Variants in C10orf90 observed in about 807,000 individuals in gnomAD.
The protein encoded by C10orf90 is chromosome 10 open reading frame 90, also known as (E2-independent) E3 ubiquitin-conjugating enzyme FATS.
In C10orf90, 56 loss-of-function variants were observed where a neutral mutation model predicts 62.5. The observed-to-expected ratio is 0.90, with a 90% CI of 0.72 to 1.12. C10orf90 has a LOEUF of 1.12. C10orf90 is among the 50% of genes most tolerant of loss of function. C10orf90 has a pLI of 0.00. For synonymous variants in C10orf90, 386 were observed against 340.4 expected, an observed-to-expected ratio of 1.13 and a Z score of -1.47; for missense variants, 970 against 880.4, an observed-to-expected ratio of 1.10 and a Z score of -1.29.
At chr10:126,653,883 A>T (rs761042983) in intron 1 of C10orf90, among the ~76,000 whole-genome samples, 2 of 152,238 alleles carry the variant, frequency 1.3e-5, no homozygotes, top group Non-Finnish European at 2.9e-5. Flanking sequence ...TAGGCATGAA[A>T]ACAACACTAA....
intron 2 of C10orf90, among the ~76,000 whole-genome samples, chr10:126,589,170 A>C (rs1384273190): frequency 6.6e-6 from 1 of 152,228 alleles, no homozygotes; most frequent in African/African-American, 2.4e-5. Flanking sequence ...AAATAATGAA[A>C]AGGAATGAAC....
intron 2 of C10orf90, among the ~76,000 whole-genome samples, chr10:126,607,884 C>T (rs922104551): frequency 6.6e-6 from 1 of 152,092 alleles, no homozygotes; most frequent in Non-Finnish European, 1.5e-5. Context: ...ATAAGCCAGT[C>T]CCAAAAGGAC....
At chr10:126,662,718 A>G (rs4962352) in intron 1 of C10orf90, among the ~76,000 whole-genome samples, 31,301 of 150,162 alleles carry the variant, frequency 0.21, 3,236 homozygotes, top group Middle Eastern at 0.27. Flanking sequence ...GGTCTCCTCC[A>G]TGCATTCTTG....
chr10:126,559,871 T>C (rs1864862185), intron 2 of C10orf90, among the ~76,000 whole-genome samples: 1 of 152,202 alleles, frequency 6.6e-6, no homozygotes, highest in Non-Finnish European at 1.5e-5. Flanking sequence ...ATGCTCAAAA[T>C]ACTTGCCGGA....
At chr10:126,619,096 C>A (rs754040451) in intron 2 of C10orf90, among the ~76,000 whole-genome samples, 1 of 152,144 alleles carries the variant, frequency 6.6e-6, no homozygotes, top group Non-Finnish European at 1.5e-5. Context: ...CCTTATACTT[C>A]TTTGCGCTGG....
chr10:126,666,515 G>A (rs933837235), intron 1 of C10orf90, among the ~76,000 whole-genome samples: 1 of 152,166 alleles, frequency 6.6e-6, no homozygotes, highest in Non-Finnish European at 1.5e-5. Context: ...CCTTAAAGCA[G>A]CTCAAGAAGG....
At chr10:126,598,930 T>G (rs188648799) in intron 2 of C10orf90, among the ~76,000 whole-genome samples, 3 of 152,170 alleles carry the variant, frequency 2.0e-5, no homozygotes, top group Admixed American at 6.5e-5. Context: ...TTCTTGATGA[T>G]CTATAATTCA....
intron 2 of C10orf90, among the ~76,000 whole-genome samples, chr10:126,562,589 A>G (rs1864927493): frequency 6.6e-6 from 1 of 152,158 alleles, no homozygotes; most frequent in Non-Finnish European, 1.5e-5. Flanking sequence ...GCACAGAGCA[A>G]TCTGCAGACG....
At chr10:126,580,754 G>A (rs1392791963) in intron 2 of C10orf90, among the ~76,000 whole-genome samples, 2 of 151,996 alleles carry the variant, frequency 1.3e-5, no homozygotes, top group Non-Finnish European at 2.9e-5. Flanking sequence ...GTGTGTGCAT[G>A]CATGTGTGGT....
chr10:126,504,834 C>T lies in C10orf90; in HGVS notation c.657G>A (p.Leu219=). 1 of 1,603,816 alleles carries T rather than the reference C, an allele frequency of 6.2e-7. No homozygotes were observed. Among genetic ancestry groups the T allele is most frequent in the Non-Finnish European group, 8.5e-7 (1 of 1,174,000 alleles). ...PSDERGPEAE[L]PPKEERPCGG... ...CACAGGGTCTCTCCTCTTTGGGCGG[C>T]AGCTCTGCCTCAGGTCCTCGCTCAT... Residue 219 remains leucine (L), a synonymous_variant, in exon 4 of 10, where the codon CTG becomes CTA. Coordinates refer to ENST00000488181, the MANE Select transcript of C10orf90 (RefSeq NM_001350921.2). This position sits in a 1 kb window ranked among gnomAD's most constrained non-coding sequence, Gnocchi z 4.1.
At chr10:126,524,095 C>T (rs1863860509) in intron 2 of C10orf90, among the ~76,000 whole-genome samples, 1 of 152,034 alleles carries the variant, frequency 6.6e-6, no homozygotes, top group African/African-American at 2.4e-5. Flanking sequence ...GCCTTTCATG[C>T]TATGGTTCTT....
At chr10:126,642,836 A>G (rs1846093103) in intron 2 of C10orf90, among the ~76,000 whole-genome samples, 1 of 152,128 alleles carries the variant, frequency 6.6e-6, no homozygotes, top group African/African-American at 2.4e-5. Context: ...GTTTCCAAAC[A>G]CCACAAACTC....
chr10:126,555,141 G>T lies in C10orf90; in HGVS notation c.314-41202C>A, dbSNP rs192383506. ...TCAGCAAGTTCAATAAGGAAGGTGG[G>T]GTGGTGACATGGTTGGGCCCACCTG... On this transcript the variant is annotated intron_variant, in intron 2 of 9. Coordinates refer to ENST00000488181, the MANE Select transcript of C10orf90 (RefSeq NM_001350921.2). Among the ~76,000 whole-genome samples, 4 of 152,250 alleles carry T rather than the reference G, an allele frequency of 2.6e-5. No homozygotes were observed. The East Asian group carries it at 5.8e-4, about 22-fold the overall frequency.
chr10:126,445,625 A>G (rs899266537), intron 7 of C10orf90, among the ~76,000 whole-genome samples: 12 of 152,206 alleles, frequency 7.9e-5, no homozygotes, highest in South Asian at 4.2e-4. Context: ...AAAGATCTGA[A>G]AGTAGAACTA....
intron 7 of C10orf90, among the ~76,000 whole-genome samples, chr10:126,457,307 C>T (rs1299882827): frequency 6.6e-6 from 1 of 152,178 alleles, no homozygotes; most frequent in Admixed American, 6.5e-5. Context: ...TTCTTTTAAG[C>T]CCCTGTGTTT....
chr10:126,501,110 C>G (rs1862355193), intron 4 of C10orf90, among the ~76,000 whole-genome samples: 1 of 152,208 alleles, frequency 6.6e-6, no homozygotes, highest in African/African-American at 2.4e-5. Flanking sequence ...CAGTTTCAGA[C>G]AGGAAAATAT....
chr10:126,657,620 C>CT lies in C10orf90; in HGVS notation c.241-10984dup, dbSNP rs777487291. Among the ~76,000 whole-genome samples, 548 of 120,206 alleles carry CT rather than the reference C, an allele frequency of 4.6e-3. 3 individuals carry two copies. Among genetic ancestry groups the CT allele is most frequent in the African/African-American group, 0.013 (431 of 33,198 alleles). The allele number at this position is 120,206 out of a possible 152,430, so 78.9% of individuals were successfully genotyped here. On this transcript the variant is annotated intron_variant, in intron 1 of 9. Transcript: ENST00000488181. The stretch of plus-strand genomic sequence containing the variant: ...TTTAATACTTTGTCTTTTTTTTTTT[C>CT]TTTTTTTTTTTTGAGACAGAGTTTC...
At chr10:126,629,643 A>G (rs1845813449) in intron 2 of C10orf90, among the ~76,000 whole-genome samples, 1 of 152,242 alleles carries the variant, frequency 6.6e-6, no homozygotes, top group Admixed American at 6.5e-5. Flanking sequence ...TTTTAGTTAA[A>G]CTAACCAGGA....
intron 2 of C10orf90, among the ~76,000 whole-genome samples, chr10:126,609,227 A>C (rs954358871): frequency 2.0e-5 from 3 of 152,030 alleles, no homozygotes; most frequent in South Asian, 4.2e-4. Context: ...ACATGATGAA[A>C]CCCCGTCTCT....
Sources: gnomAD v4.1 joint callset for allele counts (sites outside exome capture counted in the v4.1 genomes callset) on GRCh38, gnomAD v4.1.1 for gene constraint, Gnocchi (gnomAD v3.1) non-coding constraint, MANE v1.5 for transcripts, NCBI Gene and HGNC (gene_info 2026-07-23, HGNC 2026-07-21) for gene names.